Variants in SLC4A4 observed in about 807,000 individuals in gnomAD.
The protein encoded by SLC4A4 is solute carrier family 4 member 4.
SLC4A4 carries 27 observed loss-of-function variants against 111.5 expected under a neutral mutation model. That is an observed-to-expected ratio of 0.24 (90% confidence interval 0.18 to 0.33). The LOEUF is 0.33. SLC4A4 is among the 10% of genes least tolerant of loss of function. The pLI is 1.00. For synonymous variants in SLC4A4, 443 were observed against 463.4 expected (o/e 0.96, Z 0.57); for missense variants, 909 against 1,315.5 (o/e 0.69, Z 4.78).
intron 12 of SLC4A4, among the ~76,000 whole-genome samples, chr4:71,455,517 T>G (rs551798053): frequency 6.6e-6 from 1 of 152,236 alleles, no homozygotes; most frequent in East Asian, 1.9e-4. Context: ...AAGATGGCAC[T>G]GGGGAAACAC....
intron 2 of SLC4A4, among the ~76,000 whole-genome samples, chr4:71,123,048 T>C (rs982623911): frequency 9.9e-5 from 15 of 152,172 alleles, no homozygotes; most frequent in Non-Finnish European, 5.9e-5. Context: ...GAACGATCTC[T>C]TGAAAAGCAA....
chr4:71,134,090 A>T (rs1743782033), intron 2 of SLC4A4, among the ~76,000 whole-genome samples: 1 of 152,142 alleles, frequency 6.6e-6, no homozygotes, highest in South Asian at 2.1e-4. Flanking sequence ...CCCAAAGTTG[A>T]TTTTACCTGA....
chr4:71,273,178 T>A (rs1056147037), intron 3 of SLC4A4, among the ~76,000 whole-genome samples: 8 of 152,186 alleles, frequency 5.3e-5, no homozygotes, highest in African/African-American at 1.9e-4. Context: ...TGTAGAGAAG[T>A]GAGTAATGCA....
rs530830613 is a variant in SLC4A4 at position 71,175,852 on chromosome 4, G to A, written c.-1-60724G>A. ...GTAGCGGTTCTCCAAGCACACAGCTGGAGATCTGAGAACAGACAGACTGCC... is the reference window on the plus strand; with the variant it reads ...GTAGCGGTTCTCCAAGCACACAGCTAGAGATCTGAGAACAGACAGACTGCC... On this transcript the variant is annotated intron_variant, in intron 2 of 26. Transcript: ENST00000649996. Among the ~76,000 whole-genome samples, 3 of 152,274 alleles carry A rather than the reference G, an allele frequency of 2.0e-5. No individual in the cohort carries two copies. In the East Asian group the frequency reaches 5.8e-4, roughly 29 times the overall value.
chr4:71,345,653 G>A (rs1256023172), intron 4 of SLC4A4, among the ~76,000 whole-genome samples: 8 of 152,036 alleles, frequency 5.3e-5, no homozygotes, highest in Non-Finnish European at 1.2e-4. Flanking sequence ...TTAAGGGCAT[G>A]GCCATTAAGC....
intron 10 of SLC4A4, 134 bp downstream of exon 10, chr4:71,450,677 A>C: frequency 3.7e-6 from 3 of 811,134 alleles, no homozygotes; most frequent in African/African-American, 1.7e-5. Flanking sequence ...GTATTTTCTC[A>C]AATGGATCAC....
At chr4:71,223,814 A>T (rs1718894617) in intron 1 of SLC4A4, among the ~76,000 whole-genome samples, 1 of 151,768 alleles carries the variant, frequency 6.6e-6, no homozygotes, top group South Asian at 2.1e-4. Context: ...CAAAGCCCAG[A>T]TCCCATTCCC....
chr4:71,476,963 A>G (rs1427039588), intron 14 of SLC4A4, among the ~76,000 whole-genome samples: 3 of 151,764 alleles, frequency 2.0e-5, no homozygotes, highest in African/African-American at 7.2e-5. Flanking sequence ...TACATAGCAG[A>G]GTGTGTAAGA....
intron 12 of SLC4A4, among the ~76,000 whole-genome samples, chr4:71,463,447 A>C (rs1305181330): frequency 6.6e-6 from 1 of 152,204 alleles, no homozygotes; most frequent in Non-Finnish European, 1.5e-5. Context: ...GAAGATGTCA[A>C]ATAGTTCTTT....
intron 1 of SLC4A4, among the ~76,000 whole-genome samples, chr4:71,224,266 C>T (rs1376376025): frequency 6.6e-6 from 1 of 152,206 alleles, no homozygotes; most frequent in African/African-American, 2.4e-5. Context: ...AACACTGACC[C>T]ACTGTAGGTG....
At chr4:71,467,116 G>A (rs1354474387) in intron 13 of SLC4A4, among the ~76,000 whole-genome samples, 1 of 152,054 alleles carries the variant, frequency 6.6e-6, no homozygotes, top group East Asian at 1.9e-4. Flanking sequence ...GGCTCTGGTA[G>A]CTCTATTCCT....
chr4:71,536,220 T>C (rs1734406985), intron 18 of SLC4A4, among the ~76,000 whole-genome samples: 1 of 151,084 alleles, frequency 6.6e-6, no homozygotes, highest in Non-Finnish European at 1.5e-5. Context: ...TACTTTGCTG[T>C]AGTCAATGGG....
At chr4:71,262,894 G>A (rs1721967366) in intron 3 of SLC4A4, among the ~76,000 whole-genome samples, 1 of 150,894 alleles carries the variant, frequency 6.6e-6, no homozygotes, top group Non-Finnish European at 1.5e-5. Context: ...TTAAGTTCTA[G>A]TGTACATGTG....
At chr4:71,070,417 T>A (rs1426043544) in intron 1 of SLC4A4, among the ~76,000 whole-genome samples, 1 of 152,210 alleles carries the variant, frequency 6.6e-6, no homozygotes, top group African/African-American at 2.4e-5. Context: ...ATATTGTGAC[T>A]TTGTACATTG....
At chr4:71,186,352 G>T (rs1045017537), upstream of SLC4A4, among the ~76,000 whole-genome samples, 7 of 152,146 alleles carry the variant, frequency 4.6e-5, no homozygotes, top group African/African-American at 1.7e-4. Flanking sequence ...CACTCTATAC[G>T]CCCCAAGTTT....
intron 3 of SLC4A4, among the ~76,000 whole-genome samples, chr4:71,286,157 G>A (rs1158187350): frequency 1.3e-5 from 2 of 152,210 alleles, no homozygotes; most frequent in Admixed American, 6.5e-5. Flanking sequence ...GGAGAACGGC[G>A]TGAACCTGGG....
intron 15 of SLC4A4, among the ~76,000 whole-genome samples, chr4:71,491,129 T>A (rs1368171556): frequency 2.0e-5 from 3 of 151,820 alleles, no homozygotes; most frequent in African/African-American, 7.3e-5. Flanking sequence ...AACAACCAGT[T>A]TATCTTGATG....
At chr4:71,270,642 A>T (rs1722640472) in intron 3 of SLC4A4, among the ~76,000 whole-genome samples, 1 of 152,230 alleles carries the variant, frequency 6.6e-6, no homozygotes, top group African/African-American at 2.4e-5. Flanking sequence ...AACTGAACTT[A>T]AAAACATCCC....
At chr4:71,441,924 G>A (rs778773969) in intron 8 of SLC4A4, among the ~76,000 whole-genome samples, 1 of 152,072 alleles carries the variant, frequency 6.6e-6, no homozygotes, top group Non-Finnish European at 1.5e-5. Context: ...TTTCTGTAAC[G>A]TAGCTTTTTG....
Sources: gnomAD v4.1 joint callset for allele counts (sites outside exome capture counted in the v4.1 genomes callset) on GRCh38, gnomAD v4.1.1 for gene constraint, MANE v1.5 for transcripts, NCBI Gene and HGNC (gene_info 2026-07-23, HGNC 2026-07-21) for gene names.